The following SUGCT variants were observed in gnomAD, a reference collection of about 807,000 sequenced individuals.
SUGCT encodes the protein succinyl-CoA:glutarate CoA-transferase.
A neutral mutation model predicts 55.0 loss-of-function variants in SUGCT; 41 were observed. The observed-to-expected ratio is 0.74, with a 90% confidence interval of 0.58 to 0.97. The LOEUF (loss-of-function observed/expected upper bound fraction) is 0.97, where lower values mean the gene tolerates loss of function less well. Ranked by LOEUF, SUGCT falls within the 50% of genes least tolerant of loss-of-function variation. The pLI is 0.00. For missense variants in SUGCT, 568 were observed against 547.8 expected, an observed-to-expected ratio of 1.04 and a Z score of -0.37; for synonymous variants, 187 against 200.4, an observed-to-expected ratio of 0.93 and a Z score of 0.56.
At chr7:40,471,295 A>G (rs1790390510) in intron 11 of SUGCT, among the ~76,000 whole-genome samples, 2 of 152,100 alleles carry the variant, frequency 1.3e-5, no homozygotes, top group African/African-American at 4.8e-5. Context: ...TGTTTACTTA[A>G]ATGGTTACAT....
chr7:40,597,265 T>C (rs1346789077), intron 12 of SUGCT, among the ~76,000 whole-genome samples: 1 of 152,216 alleles, frequency 6.6e-6, no homozygotes, highest in Admixed American at 6.5e-5. Flanking sequence ...TGTTCTAGCC[T>C]AACTTCCTCA....
intron 13 of SUGCT, among the ~76,000 whole-genome samples, chr7:40,758,186 C>A (rs1293728973): frequency 1.3e-5 from 2 of 151,728 alleles, no homozygotes; most frequent in Non-Finnish European, 2.9e-5. Flanking sequence ...TCATTTTAAT[C>A]CTTTCTCAAA....
intron 9 of SUGCT, among the ~76,000 whole-genome samples, chr7:40,407,701 G>A (rs1786453557): frequency 6.6e-6 from 1 of 152,010 alleles, no homozygotes; most frequent in South Asian, 2.1e-4. Flanking sequence ...CTTTTAGAAA[G>A]CTTTTCTTAG....
At chr7:40,894,584 T>C in the SUGCT span, among the ~76,000 whole-genome samples, 1 of 152,204 alleles carries the variant, frequency 6.6e-6, no homozygotes, top group Admixed American at 6.5e-5. Context: ...AAAGGTCTTA[T>C]ATCCAGAATC....
At chr7:40,883,434 C>T in the SUGCT span, among the ~76,000 whole-genome samples, 4,407 of 152,262 alleles carry the variant, frequency 0.029, 205 homozygotes, top group African/African-American at 0.1. Flanking sequence ...AAATTAACAG[C>T]ATGGGCCTTG....
intron 13 of SUGCT, among the ~76,000 whole-genome samples, chr7:40,801,134 G>A (rs943932332): frequency 2.0e-5 from 3 of 152,210 alleles, no homozygotes; most frequent in Admixed American, 2.0e-4. Flanking sequence ...GAAGATTCCT[G>A]CCAGCAAGTG....
chr7:40,611,477 A>G (rs1276014479), intron 12 of SUGCT, among the ~76,000 whole-genome samples: 1 of 152,202 alleles, frequency 6.6e-6, no homozygotes, highest in African/African-American at 2.4e-5. Flanking sequence ...AACTTCAGGA[A>G]ATAGGGTTAC....
At chr7:40,288,323 TC>T (rs1169178952) in intron 8 of SUGCT, among the ~76,000 whole-genome samples, 4 of 152,054 alleles carry the variant, frequency 2.6e-5, no homozygotes, top group Non-Finnish European at 4.4e-5. Flanking sequence ...CCTGGGTTGT[TC>T]CCCCACTAAA....
At chr7:40,284,284 A>C (rs1040080822) in intron 8 of SUGCT, among the ~76,000 whole-genome samples, 2 of 152,244 alleles carry the variant, frequency 1.3e-5, no homozygotes, top group East Asian at 3.9e-4. Flanking sequence ...ATTAGATCTT[A>C]AATGTTCTTA....
chr7:40,137,137 A>ATTC (rs1322785535), intron 1 of SUGCT, among the ~76,000 whole-genome samples: 7 of 151,984 alleles, frequency 4.6e-5, no homozygotes, highest in Non-Finnish European at 2.9e-5. Context: ...TATTATTATT[A>ATTC]TTATGGACAT....
At chr7:40,916,677 TAAAA>T in the SUGCT span, among the ~76,000 whole-genome samples, 1 of 152,206 alleles carries the variant, frequency 6.6e-6, no homozygotes, top group South Asian at 2.1e-4. Context: ...TTCAATTACT[TAAAA>T]AACAACTTTA....
chr7:40,974,581 C>T, the SUGCT span, among the ~76,000 whole-genome samples: 1 of 152,138 alleles, frequency 6.6e-6, no homozygotes, highest in Non-Finnish European at 1.5e-5. Context: ...TTGTTTAAGC[C>T]ACACAGTCTA....
chr7:40,348,362 G>C (rs552024580), intron 9 of SUGCT, among the ~76,000 whole-genome samples: 105 of 151,874 alleles, frequency 6.9e-4, no homozygotes, highest in African/African-American at 9.9e-4. Flanking sequence ...AAATGGTAAG[G>C]GTTTACAAAA....
At chr7:40,693,580 A>T (rs1476837362) in intron 12 of SUGCT, among the ~76,000 whole-genome samples, 1 of 152,186 alleles carries the variant, frequency 6.6e-6, no homozygotes, top group Non-Finnish European at 1.5e-5. Flanking sequence ...CAGAGATAAC[A>T]CTATTTGGCT....
At chr7:40,137,888 C>T (rs1331132841) in intron 1 of SUGCT, among the ~76,000 whole-genome samples, 1 of 152,084 alleles carries the variant, frequency 6.6e-6, no homozygotes, top group Non-Finnish European at 1.5e-5. Context: ...TGCCATGTTG[C>T]CCACACTGGT....
At chr7:40,920,550 A>C in the SUGCT span, among the ~76,000 whole-genome samples, 1 of 152,118 alleles carries the variant, frequency 6.6e-6, no homozygotes, top group South Asian at 2.1e-4. Flanking sequence ...TCCTGTTGGC[A>C]TGTGGTCATG....
At chr7:40,901,243 A>G in the SUGCT span, among the ~76,000 whole-genome samples, 67 of 152,304 alleles carry the variant, frequency 4.4e-4, no homozygotes, top group African/African-American at 1.6e-3. Flanking sequence ...GGACATAACT[A>G]ATGAGGAAGT....
chr7:40,464,017 G>C (rs1472367699), intron 11 of SUGCT, among the ~76,000 whole-genome samples: 1 of 152,122 alleles, frequency 6.6e-6, no homozygotes, highest in Non-Finnish European at 1.5e-5. Flanking sequence ...CAATAGTTAG[G>C]ACCCCAAGAG....
chr7:40,651,707 A>G (rs1220264122), intron 12 of SUGCT, among the ~76,000 whole-genome samples: 15 of 151,970 alleles, frequency 9.9e-5, no homozygotes, highest in Admixed American at 9.8e-4. Flanking sequence ...CAGAAACATC[A>G]TTCAGCCTCA....
Sources: gnomAD v4.1 joint callset for allele counts (sites outside exome capture counted in the v4.1 genomes callset) on GRCh38, gnomAD v4.1.1 for gene constraint, MANE v1.5 for transcripts, NCBI Gene and HGNC (gene_info 2026-07-23, HGNC 2026-07-21) for gene names.